Variants in TMEM132D observed in about 807,000 individuals in gnomAD.
TMEM132D encodes the protein mature OL transmembrane protein.
TMEM132D carries 21 observed loss-of-function variants against 62.3 expected under a neutral mutation model. The ratio of observed to expected loss-of-function variants is 0.34; its 90% CI spans 0.24 to 0.49. TMEM132D has a LOEUF of 0.49. Among genes scored for constraint, TMEM132D ranks in the 20% least tolerant of loss-of-function variants. The probability of loss-of-function intolerance (pLI) is 0.99; values close to 1 mark genes in which losing one functional copy is unlikely to be tolerated. For missense variants in TMEM132D, 1,346 were observed against 1,402.8 expected (o/e 0.96, Z 0.65); for synonymous variants, 621 against 575.6 (o/e 1.08, Z -1.13).
Position 129,188,714 on chromosome 12 carries a change from G to C in TMEM132D, c.1443+20806C>G, listed in dbSNP as rs564939156. Reference sequence around the variant, plus strand: ...TTGATAGATAGATAGATAGATAATAGAGATAAATGAGAGAGAGAGGGAAGG... The same window carrying C: ...TTGATAGATAGATAGATAGATAATACAGATAAATGAGAGAGAGAGGGAAGG... On this transcript the variant is annotated intron_variant, in intron 5 of 8. Transcript: ENST00000422113. Among the ~76,000 whole-genome samples, 5 of 144,772 alleles carry C rather than the reference G, an allele frequency of 3.5e-5. No homozygotes were observed. The South Asian group carries it at 1.1e-3, about 33-fold the overall frequency. The allele number at this position is 144,772 out of a possible 152,430, so 95.0% of individuals were successfully genotyped here.
intron 5 of TMEM132D, among the ~76,000 whole-genome samples, chr12:129,168,369 C>T (rs1877623278): frequency 6.6e-6 from 1 of 152,056 alleles, no homozygotes; most frequent in Non-Finnish European, 1.5e-5. Flanking sequence ...GAAACCATGA[C>T]CACTATGTAA....
intron 2 of TMEM132D, among the ~76,000 whole-genome samples, chr12:129,641,571 T>C (rs886109701): frequency 7.9e-5 from 12 of 152,290 alleles, no homozygotes; most frequent in Admixed American, 3.9e-4. Context: ...TTTCATGTCA[T>C]TTCCAAAAAG....
At chr12:129,812,381 G>A (rs1222289320) in intron 1 of TMEM132D, among the ~76,000 whole-genome samples, 2 of 151,680 alleles carry the variant, frequency 1.3e-5, no homozygotes, top group East Asian at 3.9e-4. Flanking sequence ...GGGTTATCTC[G>A]TGGACATCTA....
rs117054608 is a variant in TMEM132D at position 129,194,589 on chromosome 12, C to T, written c.1443+14931G>A. ...AGTTTACCTACGTAACAAACCTTCA[C>T]GTGTACCCCCAAACCTAAAAGTTCA... On this transcript the variant is annotated intron_variant, in intron 5 of 8. Transcript: ENST00000422113. 7.6e-3 allele frequency among the ~76,000 whole-genome samples: 1,159 copies of T among 152,246 alleles called. 11 individuals are homozygous for T. The highest frequency in any genetic ancestry group is 0.02 in the Middle Eastern group (6 of 294).
chr12:129,446,013 A>G (rs902293201), intron 3 of TMEM132D, among the ~76,000 whole-genome samples: 1 of 152,104 alleles, frequency 6.6e-6, no homozygotes, highest in African/African-American at 2.4e-5. Flanking sequence ...CTGGGACTTT[A>G]TACAGCTCTA....
intron 1 of TMEM132D, among the ~76,000 whole-genome samples, chr12:129,803,316 G>T (rs1480047575): frequency 1.3e-5 from 2 of 150,010 alleles, no homozygotes; most frequent in Admixed American, 1.3e-4. Flanking sequence ...AAATGTAAAA[G>T]AACAGAAATT....
chr12:129,529,006 A>G (rs964369688), intron 3 of TMEM132D, among the ~76,000 whole-genome samples: 3 of 152,244 alleles, frequency 2.0e-5, no homozygotes, highest in Admixed American at 2.0e-4. Context: ...TTCTATATGC[A>G]TATATAATAT....
At chr12:129,802,855 A>C (rs1295133292) in intron 1 of TMEM132D, among the ~76,000 whole-genome samples, 2 of 151,750 alleles carry the variant, frequency 1.3e-5, no homozygotes, top group African/African-American at 4.9e-5. Context: ...TCGACCAAGC[A>C]AATGGAAAAC....
At position 129,524,922 on chromosome 12, in the gene TMEM132D, TTTTTC is replaced by T. The variant is rs1301953863; in HGVS notation, c.1115+6132_1115+6136del. ...TTTTATTATTTTCATATTTTTTTCT[TTTTTC>T]TTTTTTTTTTTTTTTTTGAGACGGA... On this transcript the variant is annotated intron_variant, in intron 3 of 8. Transcript: ENST00000422113. Among the ~76,000 whole-genome samples the T allele has an allele frequency of 6.7e-3, 696 of 103,890 alleles. 50 individuals carry two copies. The highest frequency in any genetic ancestry group is 0.026 in the African/African-American group (661 of 25,572). The allele number at this position is 103,890 out of a possible 152,430, so 68.2% of individuals were successfully genotyped here.
intron 1 of TMEM132D, among the ~76,000 whole-genome samples, chr12:129,901,512 G>A (rs1875350830): frequency 6.6e-6 from 1 of 152,086 alleles, no homozygotes; most frequent in African/African-American, 2.4e-5. Flanking sequence ...TGGCTGACTT[G>A]CTTAAGTTCA....
intron 3 of TMEM132D, among the ~76,000 whole-genome samples, chr12:129,473,743 C>T (rs1409151146): frequency 6.6e-6 from 1 of 152,134 alleles, no homozygotes; most frequent in East Asian, 1.9e-4. Flanking sequence ...TACTGGAAAA[C>T]CACACACAAA....
intron 1 of TMEM132D, among the ~76,000 whole-genome samples, chr12:129,713,723 CT>C (rs926240494): frequency 6.6e-6 from 1 of 152,224 alleles, no homozygotes; most frequent in African/African-American, 2.4e-5. Context: ...CAAAAACCTT[CT>C]GGTCTCCACT....
At chr12:129,290,845 T>A (rs1881429655) in intron 4 of TMEM132D, among the ~76,000 whole-genome samples, 1 of 152,208 alleles carries the variant, frequency 6.6e-6, no homozygotes, top group Admixed American at 6.5e-5. Flanking sequence ...TAGACCTCAT[T>A]AATTTGGTAG....
intron 5 of TMEM132D, among the ~76,000 whole-genome samples, chr12:129,195,261 G>C (rs1243330203): frequency 6.6e-6 from 1 of 152,086 alleles, no homozygotes; most frequent in Admixed American, 6.5e-5. Flanking sequence ...GCACAGGCCT[G>C]GGAGGTTCCA....
At chr12:129,092,843 C>T (rs936484578) in intron 5 of TMEM132D, among the ~76,000 whole-genome samples, 1 of 152,182 alleles carries the variant, frequency 6.6e-6, no homozygotes, top group Non-Finnish European at 1.5e-5. Flanking sequence ...GGTACCCTTA[C>T]CCCCATTTGC....
At chr12:129,896,135 CATTTTTTTTG>C (rs1875117260) in intron 1 of TMEM132D, among the ~76,000 whole-genome samples, 1 of 124,958 alleles carries the variant, frequency 8.0e-6, no homozygotes, top group African/African-American at 3.8e-5. Flanking sequence ...GCACCTGGCT[CATTTTTTTTG>C]TTTTGTTTTG....
Position 129,171,174 on chromosome 12 carries a change from C to T in TMEM132D, c.1443+38346G>A, listed in dbSNP as rs144097227. On this transcript the variant is annotated intron_variant, in intron 5 of 8. Coordinates refer to ENST00000422113, the MANE Select transcript of TMEM132D (RefSeq NM_133448.3). ...TTTGTTGTCATTTCAACGACGTTCA[C>T]AGTATCTTCCCCAGGAGTAGATTCC... 3.1e-3 allele frequency among the ~76,000 whole-genome samples: 474 copies of T among 152,364 alleles called. 2 individuals carry two copies. The highest frequency in any genetic ancestry group is 5.0e-3 in the Non-Finnish European group (340 of 68,032).
At chr12:129,635,964 G>A (rs995712739) in intron 2 of TMEM132D, among the ~76,000 whole-genome samples, 3 of 152,210 alleles carry the variant, frequency 2.0e-5, no homozygotes, top group African/African-American at 7.2e-5. Flanking sequence ...GACAATTACA[G>A]GGCATAAGTG....
rs151092945 is a variant in TMEM132D, at chr12:129,371,306, AATG to A, written c.1116-33492_1116-33490del. Among the ~76,000 whole-genome samples, 5,580 of 151,656 alleles carry A rather than the reference AATG, an allele frequency of 0.037. 137 individuals are homozygous for A. The highest frequency in any genetic ancestry group is 0.11 in the South Asian group (523 of 4,774). On this transcript the variant is annotated intron_variant, in intron 3 of 8. Transcript: ENST00000422113. This position sits in a 1 kb window ranked among gnomAD's most constrained non-coding sequence, Gnocchi z 4.3. ...TGACGATGATGATGATGATGGAGAT[AATG>A]ATGATGGTGGTGGTGATAACGATGG... is the stretch of plus-strand genomic sequence containing the variant.
Sources: allele counts gnomAD v4.1 joint callset (sites outside exome capture counted in the v4.1 genomes callset), GRCh38; gene constraint gnomAD v4.1.1; non-coding constraint Gnocchi (gnomAD v3.1); transcripts MANE v1.5; gene names NCBI Gene and HGNC (gene_info 2026-07-23, HGNC 2026-07-21).